FMNL2: variants seen among roughly 807,000 people sequenced by gnomAD.
The protein encoded by FMNL2 is formin like 2.
FMNL2 carries 51 observed loss-of-function variants against 130.2 expected under a neutral mutation model. The observed-to-expected ratio is 0.39, with a 90% CI of 0.31 to 0.49. The LOEUF (loss-of-function observed/expected upper bound fraction) is 0.49. Ranked by LOEUF, FMNL2 falls within the 20% of genes least tolerant of loss-of-function variation. The pLI, the probability that FMNL2 is intolerant of heterozygous loss-of-function variation, is 0.85. For missense variants in FMNL2, 977 were observed against 1,316.2 expected (o/e 0.74, Z 3.99); for synonymous variants, 465 against 467.1 (o/e 1.00, Z 0.06).
intron 1 of FMNL2, among the ~76,000 whole-genome samples, chr2:152,401,975 AGCTCACTGCAACCTCCGCCTCCCGG>A (rs1212218928): frequency 7.7e-6 from 1 of 130,402 alleles, no homozygotes; most frequent in East Asian, 2.2e-4. Context: ...GCGCGATCTC[AGCTCACTGCAACCTCCGCCTCCCGG>A]GCTCACATGC....
chr2:152,534,706 A>G (rs1693897464), intron 2 of FMNL2, among the ~76,000 whole-genome samples: 1 of 152,034 alleles, frequency 6.6e-6, no homozygotes, highest in African/African-American at 2.4e-5. Context: ...GGCATTCCTA[A>G]GTAAGAGGAG....
At position 152,575,355 on chromosome 2, in the gene FMNL2, A is replaced by G. The variant is rs375873175; in HGVS notation, c.705+111A>G. The G allele has an allele frequency of 8.3e-4, 460 of 552,164 alleles. No individual in the cohort carries two copies. In the East Asian group the frequency reaches 9.0e-3, roughly 11 times the overall value. The allele number at this position is 552,164 out of a possible 1,614,324, so 34.2% of individuals were successfully genotyped here. On this transcript the variant is annotated intron_variant, in intron 7 of 25. Transcript: ENST00000288670. ...GGCGAAGGGTACAATAAAAGCCCAGACTTCATCATCCTACAATTTATCTGT... is the reference window on the plus strand; with the variant it reads ...GGCGAAGGGTACAATAAAAGCCCAGGCTTCATCATCCTACAATTTATCTGT...
chr2:152,491,674 G>A (rs1691202843), intron 1 of FMNL2, among the ~76,000 whole-genome samples: 1 of 152,204 alleles, frequency 6.6e-6, no homozygotes. Flanking sequence ...GATCAGCCAG[G>A]GTGTGATGGC....
chr2:152,589,318 C>G (rs748554078), intron 9 of FMNL2, among the ~76,000 whole-genome samples: 2 of 113,172 alleles, frequency 1.8e-5, no homozygotes, highest in Non-Finnish European at 4.1e-5. Context: ...AAAAAACAAA[C>G]AAAAAAAACA....
intron 4 of FMNL2, 43 bp downstream of exon 4, chr2:152,549,140 C>T (rs1694805679): frequency 7.2e-7 from 1 of 1,394,038 alleles, no homozygotes; most frequent in South Asian, 1.4e-5. Flanking sequence ...AGCTTTTGGA[C>T]ACTTTACAAA....
chr2:152,611,346 AACCAT>A (rs1479391330), intron 10 of FMNL2, 144 bp from the exon 11 acceptor site: 3 of 513,496 alleles, frequency 5.8e-6, no homozygotes, highest in Non-Finnish European at 1.0e-5. Flanking sequence ...TTCCAAAAAA[AACCAT>A]ATATATATTT....
At chr2:152,643,967 C>A (rs150218410) in intron 25 of FMNL2, 8 of 856,088 alleles carry the variant, frequency 9.3e-6, no homozygotes, top group Non-Finnish European at 1.1e-5. Context: ...CAGTGGCACA[C>A]GCCTGTAATT....
intron 21 of FMNL2, among the ~76,000 whole-genome samples, chr2:152,634,676 G>A (rs1682433232): frequency 6.6e-6 from 1 of 152,184 alleles, no homozygotes; most frequent in South Asian, 2.1e-4. Flanking sequence ...AGGTGAATAT[G>A]GCGGATGAGG....
intron 1 of FMNL2, among the ~76,000 whole-genome samples, chr2:152,414,068 C>T (rs1240964297): frequency 6.6e-6 from 1 of 152,038 alleles, no homozygotes; most frequent in African/African-American, 2.4e-5. Flanking sequence ...TGTTTGCTGT[C>T]TTACAGTTTG....
At position 152,636,425 on chromosome 2, in the gene FMNL2, A is replaced by G. The variant is rs1288468947; in HGVS notation, c.2681-2A>G. On this transcript the variant is annotated splice_acceptor_variant, in intron 21 of 25. Coordinates refer to ENST00000288670, the MANE Select transcript of FMNL2 (RefSeq NM_052905.4). LOFTEE classifies it high-confidence loss of function. ...CACTGGGATGTTCTTTCTCTGCTTTAGTCTCCCTTGAGAATGTTTTGCTGG... is the reference window on the plus strand; with the variant it reads ...CACTGGGATGTTCTTTCTCTGCTTTGGTCTCCCTTGAGAATGTTTTGCTGG... 1 of 1,609,508 alleles carries G rather than the reference A, an allele frequency of 6.2e-7. No homozygotes were observed. Among genetic ancestry groups the G allele is most frequent in the Non-Finnish European group, 8.5e-7 (1 of 1,177,758 alleles).
intron 12 of FMNL2, among the ~76,000 whole-genome samples, chr2:152,616,825 GA>G (rs1698979029): frequency 6.6e-6 from 1 of 152,146 alleles, no homozygotes; most frequent in Non-Finnish European, 1.5e-5. Flanking sequence ...AGCCCCTGCA[GA>G]AATGGAGGGA....
chr2:152,561,509 A>T (rs555299964), intron 6 of FMNL2, among the ~76,000 whole-genome samples: 1 of 151,446 alleles, frequency 6.6e-6, no homozygotes, highest in East Asian at 1.9e-4. Flanking sequence ...TGCTGTAGTG[A>T]TAATTTTTAT....
At position 152,389,885 on chromosome 2, in the gene FMNL2, G is replaced by A. The variant is rs139777309; in HGVS notation, c.117+54165G>A. 3.0e-3 allele frequency: 3,011 copies of A among 1,020,274 alleles called. 8 individuals carry two copies. Among genetic ancestry groups the A allele is most frequent in the Non-Finnish European group, 3.9e-3 (2,554 of 656,252 alleles). 63.2% of individuals were successfully genotyped at this position (1,020,274 alleles called of 1,614,324 possible). On this transcript the variant is annotated intron_variant, in intron 1 of 25. Coordinates refer to ENST00000288670, the MANE Select transcript of FMNL2 (RefSeq NM_052905.4). ...GACAATCAGCTGGCACAGAAGGCCC[G>A]GTGGGAGAAGAGAACCCGGGAGAAG...
chr2:152,637,432 T>C (rs1682713908), intron 22 of FMNL2, 141 bp from the exon 23 acceptor site: 1 of 657,032 alleles, frequency 1.5e-6, no homozygotes, highest in Non-Finnish European at 2.7e-6. Context: ...TTAGGCAATC[T>C]TGGGAGGTAA....
intron 2 of FMNL2, among the ~76,000 whole-genome samples, chr2:152,533,030 T>G (rs1318692686): frequency 6.6e-6 from 1 of 152,260 alleles, no homozygotes. Flanking sequence ...AGTTTTTGTC[T>G]CACTTTTTAG....
At chr2:152,417,941 G>C (rs138616311) in intron 1 of FMNL2, among the ~76,000 whole-genome samples, 1,764 of 152,158 alleles carry the variant, frequency 0.012, 30 homozygotes, top group African/African-American at 0.041. Flanking sequence ...TGCCTTCTGG[G>C]TTTAAGCAAT....
chr2:152,469,578 C>T (rs185527900), intron 1 of FMNL2, among the ~76,000 whole-genome samples: 7 of 152,290 alleles, frequency 4.6e-5, no homozygotes, highest in Middle Eastern at 3.4e-3. Context: ...CTCCCCCTTG[C>T]GTGGCCTGTC....
chr2:152,633,332 G>A (rs778932644), intron 21 of FMNL2, among the ~76,000 whole-genome samples: 1 of 152,136 alleles, frequency 6.6e-6, no homozygotes, highest in Non-Finnish European at 1.5e-5. Flanking sequence ...CTGGGCTCAA[G>A]TGATCCTCTC....
At chr2:152,467,005 A>G (rs2105158779) in intron 1 of FMNL2, among the ~76,000 whole-genome samples, 1 of 152,278 alleles carries the variant, frequency 6.6e-6, no homozygotes, top group African/African-American at 2.4e-5. Flanking sequence ...CAGTCTGGGA[A>G]GCTTCACTTA....
Sources: allele counts gnomAD v4.1 joint callset (sites outside exome capture counted in the v4.1 genomes callset), GRCh38; gene constraint gnomAD v4.1.1; transcripts MANE v1.5; gene names NCBI Gene and HGNC (gene_info 2026-07-23, HGNC 2026-07-21).